The following KIAA0825 variants were observed in gnomAD, a reference collection of about 807,000 sequenced individuals.
KIAA0825 encodes uncharacterized protein KIAA0825.
A neutral mutation model predicts 147.6 loss-of-function variants in KIAA0825; 119 were observed. That is an observed-to-expected ratio of 0.81 (90% CI 0.69 to 0.94). The LOEUF is 0.94. Among genes scored for constraint, KIAA0825 ranks in the 40% least tolerant of loss-of-function variants. KIAA0825 has a pLI of 0.00. For synonymous variants in KIAA0825, 470 were observed against 518.1 expected, an observed-to-expected ratio of 0.91 and a Z score of 1.26; for missense variants, 1,381 against 1,472.7, an observed-to-expected ratio of 0.94 and a Z score of 1.02.
intron 2 of KIAA0825, 94 bp downstream of exon 2, chr5:94,582,339 T>C (rs1300883193): frequency 1.3e-5 from 2 of 152,162 alleles, no homozygotes; most frequent in African/African-American, 2.4e-5. Flanking sequence ...CTGTATTCTC[T>C]TAGAGGCCAA....
chr5:94,297,875 C>T (rs775845656), intron 20 of KIAA0825, among the ~76,000 whole-genome samples: 55 of 148,978 alleles, frequency 3.7e-4, no homozygotes, highest in Non-Finnish European at 7.0e-4. Flanking sequence ...GGATTACAGG[C>T]GTGAGCCACC....
intron 20 of KIAA0825, among the ~76,000 whole-genome samples, chr5:94,297,618 TAG>T (rs142783813): frequency 0.028 from 4,283 of 152,090 alleles, 104 homozygotes; most frequent in East Asian, 0.086. Flanking sequence ...ATTTTTGAGA[TAG>T]AGTCTCAATC....
intron 20 of KIAA0825, among the ~76,000 whole-genome samples, chr5:94,284,426 C>T (rs1371844673): frequency 6.6e-6 from 1 of 152,152 alleles, no homozygotes; most frequent in Non-Finnish European, 1.5e-5. Context: ...CACCAAACAG[C>T]AGTCCTTCCA....
At chr5:94,584,379 A>G (rs1343707047) in intron 1 of KIAA0825, among the ~76,000 whole-genome samples, 1 of 152,182 alleles carries the variant, frequency 6.6e-6, no homozygotes, top group Non-Finnish European at 1.5e-5. Context: ...CAGTACGAGA[A>G]CTTCGTGAAG....
chr5:94,482,768 T>C (rs1562543258), intron 6 of KIAA0825, among the ~76,000 whole-genome samples: 1 of 152,032 alleles, frequency 6.6e-6, no homozygotes, highest in Admixed American at 6.6e-5. Flanking sequence ...CAAAAAAATA[T>C]GAATTTCAAC....
chr5:94,549,899 A>C (rs907676644), intron 2 of KIAA0825, among the ~76,000 whole-genome samples: 1 of 152,200 alleles, frequency 6.6e-6, no homozygotes, highest in African/African-American at 2.4e-5. Context: ...AGTATAAAAA[A>C]AGAAATAATA....
chr5:94,579,429 T>C (rs911749366), intron 2 of KIAA0825, among the ~76,000 whole-genome samples: 1 of 152,244 alleles, frequency 6.6e-6, no homozygotes, highest in African/African-American at 2.4e-5. Context: ...TTGAAAAATA[T>C]TAAAAGCATA....
At chr5:94,399,037 T>C (rs965571442) in intron 16 of KIAA0825, among the ~76,000 whole-genome samples, 1 of 152,160 alleles carries the variant, frequency 6.6e-6, no homozygotes, top group Non-Finnish European at 1.5e-5. Flanking sequence ...AAAAACTAGA[T>C]CCAACACATA....
At chr5:94,178,649 T>A (rs1322078326) in intron 20 of KIAA0825, among the ~76,000 whole-genome samples, 1 of 152,062 alleles carries the variant, frequency 6.6e-6, no homozygotes, top group African/African-American at 2.4e-5. Context: ...ACAAACAACA[T>A]TTAAGAGGGC....
chr5:94,593,357 T>A (rs1053346964), intron 1 of KIAA0825: 13 of 1,023,306 alleles, frequency 1.3e-5, no homozygotes, highest in African/African-American at 3.2e-5. Flanking sequence ...TCTGTCTTGA[T>A]GGTCAACATA....
intron 13 of KIAA0825, among the ~76,000 whole-genome samples, chr5:94,447,224 A>C (rs1383394024): frequency 1.3e-5 from 2 of 152,118 alleles, no homozygotes; most frequent in Admixed American, 1.3e-4. Context: ...TGTAGTCTTA[A>C]GAGAGATTAA....
intron 20 of KIAA0825, among the ~76,000 whole-genome samples, chr5:94,323,586 G>A (rs1394456694): frequency 2.0e-5 from 3 of 151,118 alleles, no homozygotes; most frequent in Non-Finnish European, 4.4e-5. Flanking sequence ...TTTGAAAAGT[G>A]TATTCAGTAA....
intron 1 of KIAA0825, among the ~76,000 whole-genome samples, chr5:94,607,822 T>A (rs977640725): frequency 2.0e-5 from 3 of 152,132 alleles, no homozygotes; most frequent in Non-Finnish European, 2.9e-5. Context: ...GGATAAATCA[T>A]TGTTTCTTTT....
chr5:94,599,439 T>C (rs1252088481), intron 1 of KIAA0825, among the ~76,000 whole-genome samples: 3 of 150,086 alleles, frequency 2.0e-5, no homozygotes, highest in Non-Finnish European at 1.5e-5. Context: ...TCAAAAAATG[T>C]TGCTGAGACA....
intron 14 of KIAA0825, among the ~76,000 whole-genome samples, chr5:94,429,360 T>C (rs1396647450): frequency 2.6e-5 from 4 of 151,894 alleles, no homozygotes; most frequent in Non-Finnish European, 5.9e-5. Context: ...GTAGTATGTT[T>C]GCTTTTTCTT....
chr5:94,361,449 C>A (rs1360913612), intron 20 of KIAA0825, among the ~76,000 whole-genome samples: 1 of 152,176 alleles, frequency 6.6e-6, no homozygotes, highest in Non-Finnish European at 1.5e-5. Context: ...TATTAGCAAA[C>A]TGAACACTTT....
At chr5:94,168,223 A>G (rs568998526) in intron 20 of KIAA0825, among the ~76,000 whole-genome samples, 13 of 152,218 alleles carry the variant, frequency 8.5e-5, no homozygotes, top group Middle Eastern at 3.4e-3. Context: ...GATTATGATA[A>G]CTAGCTATAT....
At chr5:94,267,428 A>G (rs1776781834) in intron 20 of KIAA0825, among the ~76,000 whole-genome samples, 1 of 151,934 alleles carries the variant, frequency 6.6e-6, no homozygotes, top group Non-Finnish European at 1.5e-5. Context: ...TCCTTCCATC[A>G]GGCATATAGC....
intron 20 of KIAA0825, among the ~76,000 whole-genome samples, chr5:94,242,126 T>C (rs1775376377): frequency 6.6e-6 from 1 of 152,242 alleles, no homozygotes; most frequent in South Asian, 2.1e-4. Context: ...CAGGTATGTA[T>C]AATGAACTTG....
Sources: gnomAD v4.1 joint callset for allele counts (sites outside exome capture counted in the v4.1 genomes callset) on GRCh38, gnomAD v4.1.1 for gene constraint, MANE v1.5 for transcripts, NCBI Gene and HGNC (gene_info 2026-07-23, HGNC 2026-07-21) for gene names.